Variants in GMPS observed in about 807,000 individuals in gnomAD.
The protein encoded by GMPS is guanosine monophosphate synthase.
GMPS carries 15 observed loss-of-function variants against 77.9 expected under a neutral mutation model. That is an observed-to-expected ratio of 0.19 (90% CI 0.13 to 0.30). The LOEUF is 0.30. Among genes scored for constraint, GMPS ranks in the 10% least tolerant of loss-of-function variants. The pLI is 1.00. For synonymous variants in GMPS, 224 were observed against 275.9 expected (o/e 0.81, Z 1.86); for missense variants, 590 against 838.8 (o/e 0.70, Z 3.66).
intron 8 of GMPS, 120 bp downstream of exon 8, chr3:155,914,690 G>A: frequency 8.7e-6 from 5 of 577,720 alleles, no homozygotes; most frequent in Non-Finnish European, 1.5e-5. Flanking sequence ...TTTCTTATGT[G>A]GCTGAGAGTT....
chr3:155,936,447 C>T lies in GMPS; in HGVS notation c.1917C>T (p.Thr639=), dbSNP rs377520937. 359 of 1,606,428 alleles carry T rather than the reference C, an allele frequency of 2.2e-4. No individual in the cohort carries two copies. The highest frequency in any genetic ancestry group is 2.9e-4 in the Non-Finnish European group (343 of 1,173,098). ...GCCAGAGATCTGTGGTTATTCGAACCTTTATTACTAGTGACTTCATGACTG... is the reference window on the plus strand; with the variant it reads ...GCCAGAGATCTGTGGTTATTCGAACTTTTATTACTAGTGACTTCATGACTG... ...PSCQRSVVIR[T]FITSDFMTGI... The change falls in exon 15 of 16, where the codon ACC becomes ACT. Residue 639 remains threonine, a synonymous_variant. Transcript: ENST00000496455.
chr3:155,905,266 G>A (rs757351888), intron 4 of GMPS, among the ~76,000 whole-genome samples: 35 of 152,112 alleles, frequency 2.3e-4, no homozygotes, highest in Non-Finnish European at 4.3e-4. Context: ...CTCCGAAAGT[G>A]CTGGGATTAC....
At chr3:155,882,979 A>G (rs1754245499) in intron 1 of GMPS, among the ~76,000 whole-genome samples, 2 of 152,256 alleles carry the variant, frequency 1.3e-5, no homozygotes, top group Admixed American at 1.3e-4. Flanking sequence ...GACTGGGTTT[A>G]TGAAGTACAG....
At position 155,911,226 on chromosome 3, in the gene GMPS, G is replaced by A. The variant is rs759951815; in HGVS notation, c.833G>A (p.Arg278Gln). 25 of 1,612,482 alleles carry A rather than the reference G, an allele frequency of 1.6e-5. No homozygotes were observed. In the South Asian group the frequency reaches 2.4e-4, roughly 16 times the overall value. Residue 278 changes from arginine to glutamine, a missense_variant, in exon 7 of 16, where the codon CGA becomes CAA. Physicochemically the swap from Arg to Gln is conservative, Grantham distance 43. This residue lies in a region of GMPS where 181 missense variants were observed against 186.8 expected (regional missense o/e 0.97). Transcript: ENST00000496455. The stretch of plus-strand genomic sequence containing the variant: ...ATTGATAATGGCTTTATGAGAAAAC[G>A]AGAAAGCCAGTCTGTTGAAGAGGCC... ...VHIDNGFMRK[R>Q]ESQSVEEALK...
rs1051317679 is a variant in GMPS at position 155,941,876 on chromosome 3, T to G, written c.*4184T>G. ...TCACTTAATGGCAAGTGAAGAGATA[T>G]AGAATCCCCCAAAGAGTGTCAAGAT... On this transcript the variant is annotated 3_prime_UTR_variant, in exon 16 of 16. Transcript: ENST00000496455. The G allele has an allele frequency of 4.7e-6, 1 of 213,776 alleles. No individual in the cohort carries two copies. Among genetic ancestry groups the G allele is most frequent in the South Asian group, 1.9e-4 (1 of 5,378 alleles). 13.2% of individuals were successfully genotyped at this position (213,776 alleles called of 1,614,324 possible). A position where few individuals can be genotyped will look rare whatever the true frequency, so the allele number is the denominator to read the frequency against.
intron 12 of GMPS, among the ~76,000 whole-genome samples, chr3:155,926,268 T>G (rs1326105146): frequency 6.6e-6 from 1 of 152,192 alleles, no homozygotes; most frequent in African/African-American, 2.4e-5. Context: ...CACTTTGGCC[T>G]CCCAAAGTGT....
rs964290413 is a variant in GMPS, at chr3:155,942,743, A to G, written c.*5051A>G. ...CTTTACTTTTCCTTCAGAGAGGAGA[A>G]AGCCACCCCTGTGCTATAGCCACCG... On this transcript the variant is annotated 3_prime_UTR_variant, in exon 16 of 16. Transcript: ENST00000496455. 2 of 226,022 alleles carry G rather than the reference A, an allele frequency of 8.8e-6. No homozygotes were observed. Among genetic ancestry groups the G allele is most frequent in the East Asian group, 6.4e-5 (1 of 15,604 alleles). The allele number at this position is 226,022 out of a possible 1,614,324, so 14.0% of individuals were successfully genotyped here.
chr3:155,911,672 T>C (rs1755041160), intron 7 of GMPS, among the ~76,000 whole-genome samples: 1 of 151,864 alleles, frequency 6.6e-6, no homozygotes, highest in South Asian at 2.1e-4. Flanking sequence ...ACCCCATCTC[T>C]ACTAAAAATA....
rs71310454 is a variant in GMPS at position 155,894,599 on chromosome 3, A to G, written c.209+900A>G. Among the ~76,000 whole-genome samples, 587 of 152,228 alleles carry G rather than the reference A, an allele frequency of 3.9e-3. 3 individuals carry two copies. The highest frequency in any genetic ancestry group is 7.4e-3 in the Non-Finnish European group (502 of 68,010). ...TAAGACTGTTACGTAGAAGCAAGCA[A>G]CTGTAGTTTATGTCCTTAATTGGCT... On this transcript the variant is annotated intron_variant, in intron 2 of 15. Transcript: ENST00000496455.
In GMPS at chr3:155,893,637, C is replaced by T. The variant is rs200435128; in HGVS notation, c.147C>T (p.Phe49=). 1.2e-4 allele frequency: 186 copies of T among 1,611,836 alleles called. No homozygotes were observed. The highest frequency in any genetic ancestry group is 3.9e-4 in the African/African-American group (29 of 74,944). Residue 49 remains phenylalanine (F), a synonymous_variant, in exon 2 of 16, where the codon TTC becomes TTT. Transcript: ENST00000496455. ...KVIDRRVREL[F]VQSEIFPLET... ...TAGACCGAAGAGTGAGGGAACTGTT[C>T]GTGCAGTCTGAAATTTTCCCCTTGG... is the stretch of plus-strand genomic sequence containing the variant.
At chr3:155,932,847 G>A (rs1041386677) in intron 13 of GMPS, among the ~76,000 whole-genome samples, 4 of 152,158 alleles carry the variant, frequency 2.6e-5, no homozygotes, top group Admixed American at 6.5e-5. Context: ...ACTGAAAACC[G>A]TCAAATACAG....
intron 1 of GMPS, among the ~76,000 whole-genome samples, chr3:155,876,944 C>G (rs1157183275): frequency 2.0e-5 from 3 of 152,172 alleles, no homozygotes; most frequent in African/African-American, 7.2e-5. Flanking sequence ...TTTCCCAAAC[C>G]TTTAAAGCTG....
At position 155,938,121 on chromosome 3, in the gene GMPS, T is replaced by C; in HGVS notation, c.*429T>C. The C allele has an allele frequency of 4.4e-6, 1 of 227,608 alleles. No individual in the cohort carries two copies. The highest frequency in any genetic ancestry group is 8.7e-6 in the Non-Finnish European group (1 of 114,660). The allele number at this position is 227,608 out of a possible 1,614,324, so 14.1% of individuals were successfully genotyped here. A position where few individuals can be genotyped will look rare whatever the true frequency, so the allele number is the denominator to read the frequency against. The stretch of plus-strand genomic sequence containing the variant: ...ATATATACTTTTTGGAGAATCAGTT[T>C]TCTTATAAGTAATCTTATTTCTCCA... On this transcript the variant is annotated 3_prime_UTR_variant, in exon 16 of 16. Coordinates refer to ENST00000496455, the MANE Select transcript of GMPS (RefSeq NM_003875.3).
intron 1 of GMPS, among the ~76,000 whole-genome samples, chr3:155,892,009 A>T (rs1214115890): frequency 6.6e-6 from 1 of 152,196 alleles, no homozygotes; most frequent in Non-Finnish European, 1.5e-5. Flanking sequence ...AAAAGATTAC[A>T]CAAGTGGCTA....
chr3:155,909,419 A>G (rs1381138368), intron 5 of GMPS, among the ~76,000 whole-genome samples: 3 of 152,192 alleles, frequency 2.0e-5, no homozygotes, highest in Admixed American at 2.0e-4. Context: ...CTGAGAACCA[A>G]AATTGAATTA....
intron 5 of GMPS, 84 bp downstream of exon 5, chr3:155,906,347 T>C: frequency 1.5e-6 from 1 of 669,160 alleles, no homozygotes; most frequent in Non-Finnish European, 2.6e-6. Flanking sequence ...AGGTACTCTT[T>C]GATTTTTCCT....
Position 155,911,125 on chromosome 3 carries a change from T to C in GMPS, c.732T>C (p.Ser244=), listed in dbSNP as rs768597600. ...VGTSKVLVLL[S]GGVDSTVCTA... ...ATTTTACCCCGTAGGTTTTACTCAG[T>C]GGTGGAGTAGACTCAACAGTTTGTA... is the stretch of plus-strand genomic sequence containing the variant. Residue 244 remains serine (S), a synonymous_variant, in exon 7 of 16, where the codon AGT becomes AGC. Coordinates refer to ENST00000496455, the MANE Select transcript of GMPS (RefSeq NM_003875.3). 5.8e-5 allele frequency: 93 copies of C among 1,605,722 alleles called. No individual in the cohort carries two copies. The Middle Eastern group carries it at 8.3e-4, about 14-fold the overall frequency.
At chr3:155,874,901 CTTTTTTTTT>C (rs1171275758) in intron 1 of GMPS, among the ~76,000 whole-genome samples, 3 of 71,414 alleles carry the variant, frequency 4.2e-5, no homozygotes, top group Non-Finnish European at 7.8e-5. Context: ...ACTTTGTTTT[CTTTTTTTTT>C]TTTTTTTTTT....
chr3:155,934,708 T>A (rs1755716329), intron 13 of GMPS, among the ~76,000 whole-genome samples: 1 of 152,174 alleles, frequency 6.6e-6, no homozygotes, highest in Admixed American at 6.5e-5. Flanking sequence ...GAACACACTT[T>A]GAGGAAAACA....
Sources: gnomAD v4.1 joint callset for allele counts (sites outside exome capture counted in the v4.1 genomes callset) on GRCh38, gnomAD v4.1.1 for gene constraint, gnomAD v4.1.1 regional missense constraint, MANE v1.5 for transcripts, NCBI Gene and HGNC (gene_info 2026-07-23, HGNC 2026-07-21) for gene names.